HHLA2: variants seen among roughly 807,000 people sequenced by gnomAD.
The protein encoded by HHLA2 is HERV-H LTR-associating protein 2.
Under a neutral mutation model 45.9 loss-of-function variants are expected in HHLA2, and 48 were observed. The observed-to-expected ratio is 1.05, with a 90% CI of 0.83 to 1.33. The LOEUF is 1.33. Among genes scored for constraint, HHLA2 ranks in the 40% most tolerant of loss-of-function variants. The pLI is 0.00. For synonymous variants in HHLA2, 161 were observed against 173.9 expected (o/e 0.93, Z 0.59); for missense variants, 462 against 494.3 (o/e 0.93, Z 0.62).
intron 8 of HHLA2, among the ~76,000 whole-genome samples, chr3:108,363,557 A>G (rs2082014473): frequency 6.6e-6 from 1 of 152,140 alleles, no homozygotes. Flanking sequence ...CAAGCATTTC[A>G]CCAATTCTAG....
At chr3:108,367,578 G>A (rs1030450302) in intron 8 of HHLA2, among the ~76,000 whole-genome samples, 7 of 151,730 alleles carry the variant, frequency 4.6e-5, no homozygotes, top group Admixed American at 1.3e-4. Context: ...ATCAGTAGCC[G>A]AATCGATCAA....
chr3:108,356,434 C>T (rs2081894646), intron 6 of HHLA2, among the ~76,000 whole-genome samples: 1 of 152,012 alleles, frequency 6.6e-6, no homozygotes, highest in Admixed American at 6.6e-5. Flanking sequence ...TTCCTAGCAT[C>T]TCATATTCTC....
Position 108,339,572 on chromosome 3 carries a change from T to TATATAA in HHLA2, c.-27+11227_-27+11228insATAAAT, listed in dbSNP as rs1188635684. ...TATTAGTATATAGCACATATATATA[T>TATATAA]ATGTAATGCATATATTAGTATATGT... is the stretch of plus-strand genomic sequence containing the variant. On this transcript the variant is annotated intron_variant, in intron 3 of 10. Coordinates refer to ENST00000619531, the Ensembl canonical transcript of HHLA2. 8.6e-5 allele frequency among the ~76,000 whole-genome samples: 13 copies of TATATAA among 150,446 alleles called. No homozygotes were observed. In the South Asian group the frequency reaches 2.1e-3, roughly 24 times the overall value.
intron 2 of HHLA2, among the ~76,000 whole-genome samples, chr3:108,314,698 G>A (rs1276764964): frequency 2.6e-5 from 4 of 152,280 alleles, no homozygotes; most frequent in East Asian, 1.9e-4. Flanking sequence ...TTACTTCATC[G>A]ATTGATGTGT....
At chr3:108,359,191 TAGTC>T (rs755119796) in intron 7 of HHLA2, among the ~76,000 whole-genome samples, 2 of 151,254 alleles carry the variant, frequency 1.3e-5, no homozygotes, top group South Asian at 2.1e-4. Flanking sequence ...AAAAAAAAAA[TAGTC>T]AAGAAGAAAT....
At chr3:108,314,947 A>AT (rs1038579310) in intron 2 of HHLA2, among the ~76,000 whole-genome samples, 2 of 152,188 alleles carry the variant, frequency 1.3e-5, no homozygotes, top group African/African-American at 4.8e-5. Context: ...CTGAATTGGG[A>AT]TTTTTTCCCC....
At chr3:108,373,455 A>T (rs2082216449) in intron 8 of HHLA2, among the ~76,000 whole-genome samples, 1 of 152,120 alleles carries the variant, frequency 6.6e-6, no homozygotes, top group Non-Finnish European at 1.5e-5. Flanking sequence ...CCTATTCAAC[A>T]TAGTGTTGGA....
intron 3 of HHLA2, among the ~76,000 whole-genome samples, chr3:108,344,560 T>G (rs2081629473): frequency 6.6e-6 from 1 of 152,202 alleles, no homozygotes; most frequent in Non-Finnish European, 1.5e-5. Context: ...GGGGTAGAAG[T>G]GTACAGAAAG....
chr3:108,340,133 G>A (rs2081539339), intron 3 of HHLA2, among the ~76,000 whole-genome samples: 2 of 152,120 alleles, frequency 1.3e-5, no homozygotes, highest in Non-Finnish European at 2.9e-5. Flanking sequence ...TAGAAGGAGG[G>A]CTAAGGTTTA....
At position 108,355,093 on chromosome 3, in the gene HHLA2, C is replaced by T. The variant is rs199827424; in HGVS notation, c.419-22C>T. On this transcript the variant is annotated intron_variant, in intron 5 of 10. Transcript: ENST00000619531. ...AAGCTAATGATGGCAGTTTTTCATG[C>T]GCCCTTCTTTCTCCTATGTAGTTTT... is the stretch of plus-strand genomic sequence containing the variant. The T allele has an allele frequency of 1.9e-4, 298 of 1,591,912 alleles. 1 individual carries two copies. Among genetic ancestry groups the T allele is most frequent in the Admixed American group, 3.9e-4 (22 of 57,024 alleles).
intron 7 of HHLA2, 119 bp downstream of exon 6, chr3:108,358,280 T>A (rs2081933158): frequency 3.0e-6 from 2 of 663,670 alleles, no homozygotes; most frequent in Non-Finnish European, 4.8e-6. Flanking sequence ...CAAAATATAA[T>A]CCACAGGGAT....
chr3:108,371,966 C>A (rs987954662), intron 8 of HHLA2, among the ~76,000 whole-genome samples: 1 of 152,198 alleles, frequency 6.6e-6, no homozygotes, highest in Non-Finnish European at 1.5e-5. Context: ...CAGCTCTGCA[C>A]CAAGTGGACC....
intron 3 of HHLA2, among the ~76,000 whole-genome samples, chr3:108,345,492 T>C (rs1272462439): frequency 6.6e-6 from 1 of 152,252 alleles, no homozygotes; most frequent in East Asian, 1.9e-4. Flanking sequence ...GGACCCAATT[T>C]ACGAGCCTCC....
chr3:108,329,640 G>A (rs539830122), intron 3 of HHLA2, among the ~76,000 whole-genome samples: 2 of 152,118 alleles, frequency 1.3e-5, no homozygotes, highest in African/African-American at 4.8e-5. Context: ...GACTGGGTCC[G>A]GTCCAGAGGC....
intron 5 of HHLA2, among the ~76,000 whole-genome samples, chr3:108,354,000 G>A (rs2081838765): frequency 2.0e-5 from 3 of 152,110 alleles, no homozygotes; most frequent in Admixed American, 2.0e-4. Context: ...TACATTACAT[G>A]GTTGTGATGA....
intron 3 of HHLA2, among the ~76,000 whole-genome samples, chr3:108,333,232 G>T (rs888538113): frequency 2.6e-5 from 4 of 152,092 alleles, no homozygotes; most frequent in Non-Finnish European, 4.4e-5. Flanking sequence ...GCTAATTCTG[G>T]TCCAGAGTCA....
chr3:108,372,855 T>G (rs1033011795), intron 8 of HHLA2, among the ~76,000 whole-genome samples: 8 of 152,030 alleles, frequency 5.3e-5, no homozygotes, highest in South Asian at 4.2e-4. Flanking sequence ...CAACCAAAAA[T>G]AGTCCAGGAC....
intron 3 of HHLA2, among the ~76,000 whole-genome samples, chr3:108,344,675 G>A (rs2107432688): frequency 6.6e-6 from 1 of 152,252 alleles, no homozygotes; most frequent in Non-Finnish European, 1.5e-5. Flanking sequence ...ATGTGCACAT[G>A]TTCAACACTA....
exon 5 of HHLA2, chr3:108,353,746 A>G (rs1465287603): frequency 7.4e-6 from 12 of 1,612,700 alleles, no homozygotes; most frequent in Admixed American, 1.7e-5. Flanking sequence ...CAGCAATTCA[A>G]GTGATTACAA....
Sources: allele counts gnomAD v4.1 joint callset (sites outside exome capture counted in the v4.1 genomes callset), GRCh38; gene constraint gnomAD v4.1.1; transcripts MANE v1.5; gene names NCBI Gene and HGNC (gene_info 2026-07-23, HGNC 2026-07-21).